Variants in VNN1 observed in about 807,000 individuals in gnomAD.
VNN1 encodes pantetheinase.
In VNN1, 29 loss-of-function variants were observed where a neutral mutation model predicts 41.9. The observed-to-expected ratio is 0.69, with a 90% CI of 0.52 to 0.94. The LOEUF is 0.94. VNN1 is among the 40% of genes least tolerant of loss of function. VNN1 has a pLI of 0.00. For synonymous variants in VNN1, 233 were observed against 224.4 expected (o/e 1.04, Z -0.34); for missense variants, 637 against 621.1 (o/e 1.03, Z -0.27).
At chr6:132,704,444 A>G (rs1466479838) in intron 2 of VNN1, among the ~76,000 whole-genome samples, 1 of 152,152 alleles carries the variant, frequency 6.6e-6, no homozygotes, top group Non-Finnish European at 1.5e-5. Context: ...AATTTAAACA[A>G]TGTGCTCCTG....
intron 2 of VNN1, among the ~76,000 whole-genome samples, chr6:132,708,137 G>C (rs192174177): frequency 4.2e-4 from 64 of 152,270 alleles, no homozygotes; most frequent in African/African-American, 1.5e-3. Context: ...TCATCTTTAA[G>C]TTAGGTTATT....
chr6:132,713,084 G>A (rs767377591), intron 1 of VNN1, among the ~76,000 whole-genome samples: 2 of 152,148 alleles, frequency 1.3e-5, no homozygotes, highest in African/African-American at 4.8e-5. Flanking sequence ...GCAGTGAGAC[G>A]TGATCACACC....
intron 1 of VNN1, among the ~76,000 whole-genome samples, chr6:132,712,503 G>T (rs923199858): frequency 6.6e-6 from 1 of 152,120 alleles, no homozygotes; most frequent in South Asian, 2.1e-4. Flanking sequence ...TATGGCAGTC[G>T]TTAACTATAA....
At chr6:132,689,822 C>A (rs971337255) in intron 5 of VNN1, among the ~76,000 whole-genome samples, 2 of 152,218 alleles carry the variant, frequency 1.3e-5, no homozygotes, top group Admixed American at 6.5e-5. Context: ...CAACAGACAA[C>A]TGGCTGGGTC....
chr6:132,708,468 T>C (rs1384308829), intron 2 of VNN1, among the ~76,000 whole-genome samples: 1 of 152,212 alleles, frequency 6.6e-6, no homozygotes, highest in African/African-American at 2.4e-5. Context: ...GAGAGCCTGT[T>C]CCTTTAACGC....
intron 2 of VNN1, among the ~76,000 whole-genome samples, chr6:132,697,118 G>A (rs4897604): frequency 0.43 from 65,183 of 150,812 alleles, 15,174 homozygotes; most frequent in African/African-American, 0.6. Context: ...AAAATAAAAA[G>A]TTTAAAAATA....
Position 132,693,167 on chromosome 6 carries a change from T to C in VNN1, c.683A>G (p.His228Arg), listed in dbSNP as rs757890557. 1.9e-6 allele frequency: 3 copies of C among 1,614,094 alleles called. No homozygotes were observed. In the East Asian group the frequency reaches 6.7e-5, roughly 36 times the overall value. The change falls in exon 4 of 7, where the codon CAC (histidine) becomes CGC (arginine). Residue 228 changes from histidine to arginine, a missense_variant. Physicochemically the swap from His to Arg is conservative, Grantham distance 29. Coordinates refer to ENST00000367928, the MANE Select transcript of VNN1 (RefSeq NM_004666.3). Reference protein sequence around the residue: ...DPAVTLVKDFHVDTIVFPTAW... With the variant: ...DPAVTLVKDFRVDTIVFPTAW... Reference sequence around the variant, plus strand: ...TGTTGGGAATACTATGGTGTCCACGTGGAAATCTTTCACCAAGGTAACAGC... The same window carrying C: ...TGTTGGGAATACTATGGTGTCCACGCGGAAATCTTTCACCAAGGTAACAGC...
rs1396127007 is a variant in VNN1 at position 132,713,726 on chromosome 6, T to C, written c.210+100A>G. The C allele has an allele frequency of 1.5e-5, 19 of 1,278,028 alleles. No individual in the cohort carries two copies. The South Asian group carries it at 2.4e-4, about 16-fold the overall frequency. 79.2% of individuals were successfully genotyped at this position (1,278,028 alleles called of 1,614,324 possible). ...GTTCTTGGCTACTCTGATACATATA[T>C]CATCTAAAAGTGTAACTGACCCTGA... On this transcript the variant is annotated intron_variant, in intron 1 of 6. Coordinates refer to ENST00000367928, the MANE Select transcript of VNN1 (RefSeq NM_004666.3).
chr6:132,692,953 GA>G lies in VNN1; in HGVS notation c.826+70del, dbSNP rs1290646130. ...TGTATTAAGGAGTATGCGTTAGCTA[GA>G]AAAACATGTTTTTTTTTTCTTTTCT... On this transcript the variant is annotated intron_variant, in intron 4 of 6. Coordinates refer to ENST00000367928, the MANE Select transcript of VNN1 (RefSeq NM_004666.3). 17 of 1,471,864 alleles carry G rather than the reference GA, an allele frequency of 1.2e-5. No homozygotes were observed. The Admixed American group carries it at 4.1e-4, about 35-fold the overall frequency. The allele number at this position is 1,471,864 out of a possible 1,614,324, so 91.2% of individuals were successfully genotyped here. A position where few individuals can be genotyped will look rare whatever the true frequency, so the allele number is the denominator to read the frequency against.
intron 4 of VNN1, 28 bp downstream of exon 4, chr6:132,692,996 C>T: frequency 6.4e-7 from 1 of 1,559,878 alleles, no homozygotes; most frequent in Non-Finnish European, 8.7e-7. Context: ...ATTACATCAG[C>T]CTGCATATCT....
rs535284224 is a variant in VNN1, at chr6:132,708,590, A to C, written c.341+3119T>G. The stretch of plus-strand genomic sequence containing the variant: ...CAATAAGATGAGATCTGATTCTATG[A>C]GAGCAGGGAAGGATATTGAGTCCTC... On this transcript the variant is annotated intron_variant, in intron 2 of 6. Transcript: ENST00000367928. 1.4e-4 allele frequency among the ~76,000 whole-genome samples: 21 copies of C among 152,340 alleles called. No individual in the cohort carries two copies. In the East Asian group the frequency reaches 3.1e-3, roughly 22 times the overall value.
chr6:132,705,564 C>T (rs1380727631), intron 2 of VNN1, among the ~76,000 whole-genome samples: 1 of 152,166 alleles, frequency 6.6e-6, no homozygotes, highest in Non-Finnish European at 1.5e-5. Context: ...TGGCTGGTAT[C>T]ATACTGAATG....
intron 2 of VNN1, among the ~76,000 whole-genome samples, chr6:132,706,437 A>G (rs945637229): frequency 6.6e-6 from 1 of 152,200 alleles, no homozygotes; most frequent in African/African-American, 2.4e-5. Context: ...TGGTGCTGGG[A>G]AAACCAGATA....
At chr6:132,707,728 A>G (rs1307019655) in intron 2 of VNN1, among the ~76,000 whole-genome samples, 3 of 152,182 alleles carry the variant, frequency 2.0e-5, no homozygotes, top group Non-Finnish European at 4.4e-5. Context: ...AATTGAACTC[A>G]TGGAGATAGA....
At chr6:132,693,886 C>A in intron 3 of VNN1, 104 bp downstream of exon 3, 1 of 1,361,384 alleles carries the variant, frequency 7.3e-7, no homozygotes, top group Non-Finnish European at 1.0e-6. Flanking sequence ...TGCCCCTACT[C>A]GATTTCTAAA....
In VNN1 at chr6:132,682,003, T is replaced by A. The variant is rs145516154; in HGVS notation, c.*1137A>T. ...CTATGATATTAGTGCTCAGAGTCTA[T>A]CAGTCAGTTGGGAGATATTTTGGCT... On this transcript the variant is annotated 3_prime_UTR_variant, in exon 7 of 7. Transcript: ENST00000367928. The A allele has an allele frequency of 6.6e-6, 1 of 152,408 alleles. No individual in the cohort carries two copies. The highest frequency in any genetic ancestry group is 1.9e-4 in the East Asian group (1 of 5,190). 9.4% of individuals were successfully genotyped at this position (152,408 alleles called of 1,614,324 possible). A position where few individuals can be genotyped will look rare whatever the true frequency, so the allele number is the denominator to read the frequency against.
At chr6:132,691,467 C>T (rs1376445597) in intron 5 of VNN1, among the ~76,000 whole-genome samples, 2 of 151,446 alleles carry the variant, frequency 1.3e-5, no homozygotes, top group African/African-American at 4.9e-5. Context: ...GGTGGTCAAC[C>T]CCATTCATAT....
chr6:132,692,900 T>C (rs1188852955), intron 4 of VNN1, 124 bp downstream of exon 4: 9 of 1,134,508 alleles, frequency 7.9e-6, no homozygotes, highest in South Asian at 3.9e-5. Context: ...AACAGCTAGA[T>C]GTTCAAAAAT....
intron 2 of VNN1, among the ~76,000 whole-genome samples, chr6:132,709,562 G>A (rs1367135378): frequency 6.6e-6 from 1 of 151,900 alleles, no homozygotes; most frequent in East Asian, 1.9e-4. Flanking sequence ...TCTTCGGGAG[G>A]CTGAGGCACA....
Sources: allele counts gnomAD v4.1 joint callset (sites outside exome capture counted in the v4.1 genomes callset), GRCh38; gene constraint gnomAD v4.1.1; transcripts MANE v1.5; gene names NCBI Gene and HGNC (gene_info 2026-07-23, HGNC 2026-07-21).